SPIRE2: variants seen among roughly 807,000 people sequenced by gnomAD.
SPIRE2 encodes the protein protein spire homolog 2.
In SPIRE2, 76 loss-of-function variants were observed where a neutral mutation model predicts 80.7. That is an observed-to-expected ratio of 0.94 (90% CI 0.78 to 1.14). SPIRE2 has a LOEUF of 1.14. Among genes scored for constraint, SPIRE2 ranks in the 50% most tolerant of loss-of-function variants. The pLI is 0.00. For missense variants in SPIRE2, 1,196 were observed against 1,015.3 expected, an observed-to-expected ratio of 1.18 and a Z score of -2.42; for synonymous variants, 535 against 432.6, an observed-to-expected ratio of 1.24 and a Z score of -2.94.
Position 89,828,506 on chromosome 16 carries a change from G to A in SPIRE2, c.-45G>A, listed in dbSNP as rs901193487. The A allele has an allele frequency of 1.5e-5, 15 of 1,011,916 alleles. No homozygotes were observed. The African/African-American group carries it at 1.9e-4, about 13-fold the overall frequency. 62.7% of individuals were successfully genotyped at this position (1,011,916 alleles called of 1,614,324 possible). A position where few individuals can be genotyped will look rare whatever the true frequency, so the allele number is the denominator to read the frequency against. On this transcript the variant is annotated 5_prime_UTR_variant, in exon 1 of 15. Transcript: ENST00000378247. The surrounding 1 kb of genome is among the most constrained non-coding windows in gnomAD (Gnocchi z 5.9). The stretch of plus-strand genomic sequence containing the variant: ...ACCCTGCGCGGCGGAAGGCGCGGCT[G>A]CATGGACGCGGGTCCGGCGCGCGGG...
chr16:89,863,600 A>G lies in SPIRE2; in HGVS notation c.1700A>G (p.Lys567Arg). ...AACAAGGAGCTCTTCAGCAGTCTGA[A>G]GAAGGGGAAGGTGAGGCTGCCTAGA... is the stretch of plus-strand genomic sequence containing the variant. ...LQNKELFSSL[K>R]KGKICCCCRA... is the part of the protein sequence containing the mutation. Residue 567 changes from lysine (K) to arginine (R), a missense_variant, in exon 11 of 15, where the codon AAG becomes AGG. By Grantham distance (26) the Lys-to-Arg change is conservative. Coordinates refer to ENST00000378247, the MANE Select transcript of SPIRE2 (RefSeq NM_032451.2). This position sits in a 1 kb window ranked among gnomAD's most constrained non-coding sequence, Gnocchi z 4.3. 6.2e-7 allele frequency: 1 copy of G among 1,614,110 alleles called. No individual in the cohort carries two copies. The highest frequency in any genetic ancestry group is 1.7e-5 in the Admixed American group (1 of 60,018).
At chr16:89,834,881 C>T (rs1218135347) in intron 1 of SPIRE2, among the ~76,000 whole-genome samples, 3 of 146,852 alleles carry the variant, frequency 2.0e-5, no homozygotes, top group African/African-American at 7.6e-5. Flanking sequence ...CCTGCCCGCA[C>T]TCGCAGCTGG....
At chr16:89,868,106 C>T (rs890943450) in intron 12 of SPIRE2, 83 bp from the exon 13 acceptor site, 20 of 1,472,350 alleles carry the variant, frequency 1.4e-5, no homozygotes, top group Non-Finnish European at 1.7e-5. Flanking sequence ...ACCTCGGATG[C>T]GTGGAGGCCG....
chr16:89,857,985 C>G (rs2041707269), intron 7 of SPIRE2, among the ~76,000 whole-genome samples: 1 of 151,344 alleles, frequency 6.6e-6, no homozygotes. Flanking sequence ...TGGGTTCACG[C>G]CATTCTCCTG....
chr16:89,831,153 C>G (rs2041377029), intron 1 of SPIRE2, among the ~76,000 whole-genome samples: 1 of 150,426 alleles, frequency 6.6e-6, no homozygotes, highest in South Asian at 2.1e-4. Context: ...TCGTGATCTG[C>G]CCACCTCGGC....
intron 3 of SPIRE2, among the ~76,000 whole-genome samples, chr16:89,853,357 C>T (rs2041655330): frequency 6.6e-6 from 1 of 152,090 alleles, no homozygotes; most frequent in African/African-American, 2.4e-5. Flanking sequence ...TTGACTGAGG[C>T]GAAGTTTGGG....
Position 89,870,966 on chromosome 16 carries a change from A to T in SPIRE2, c.*694A>T, listed in dbSNP as rs2041834645. ...CCAGGTATAGTGGCAGGAACCTGTA[A>T]TCCCAGCTACAGGGGAGGCTGAGGC... On this transcript the variant is annotated 3_prime_UTR_variant, in exon 15 of 15. Coordinates refer to ENST00000378247, the MANE Select transcript of SPIRE2 (RefSeq NM_032451.2). 1 of 152,452 alleles carries T rather than the reference A, an allele frequency of 6.6e-6. No individual in the cohort carries two copies. The highest frequency in any genetic ancestry group is 2.4e-5 in the African/African-American group (1 of 41,404). 9.4% of individuals were successfully genotyped at this position (152,452 alleles called of 1,614,324 possible).
At chr16:89,838,785 G>C (rs1360118264) in intron 1 of SPIRE2, among the ~76,000 whole-genome samples, 1 of 152,174 alleles carries the variant, frequency 6.6e-6, no homozygotes, top group Non-Finnish European at 1.5e-5. Flanking sequence ...CAGCAGGCAG[G>C]TGGCTCTGTC....
At chr16:89,833,292 T>A (rs969957078) in intron 1 of SPIRE2, among the ~76,000 whole-genome samples, 8 of 147,560 alleles carry the variant, frequency 5.4e-5, no homozygotes, top group Non-Finnish European at 1.0e-4. Context: ...CCCGGCCATC[T>A]TTTTGTATTT....
At chr16:89,845,482 G>T (rs2041549929) in intron 2 of SPIRE2, 117 bp downstream of exon 2, 1 of 947,374 alleles carries the variant, frequency 1.1e-6, no homozygotes, top group South Asian at 1.3e-5. Context: ...GCAGGGTGCA[G>T]ATGAAGTACC....
intron 1 of SPIRE2, among the ~76,000 whole-genome samples, chr16:89,831,337 G>C (rs899464183): frequency 6.7e-5 from 10 of 150,110 alleles, no homozygotes; most frequent in African/African-American, 2.4e-4. Context: ...CTTTACACGT[G>C]ACCCTATTTT....
chr16:89,847,571 C>T (rs989159282), intron 2 of SPIRE2, among the ~76,000 whole-genome samples: 1 of 152,192 alleles, frequency 6.6e-6, no homozygotes, highest in African/African-American at 2.4e-5. Flanking sequence ...ATACGTTAAC[C>T]TGATCGCCCT....
chr16:89,845,173 C>G, intron 1 of SPIRE2, 149 bp from the exon 2 acceptor site: 1 of 729,730 alleles, frequency 1.4e-6, no homozygotes, highest in Non-Finnish European at 2.4e-6. Flanking sequence ...TCCAAATGAC[C>G]AAGTGGCTGG....
intron 12 of SPIRE2, among the ~76,000 whole-genome samples, chr16:89,864,839 A>G (rs1488135785): frequency 1.3e-5 from 2 of 152,198 alleles, no homozygotes; most frequent in East Asian, 3.9e-4. Flanking sequence ...CATCAACAAA[A>G]AAACAAACCA....
chr16:89,847,606 G>A (rs577864146), intron 2 of SPIRE2, among the ~76,000 whole-genome samples: 7 of 152,318 alleles, frequency 4.6e-5, no homozygotes, highest in African/African-American at 1.7e-4. Flanking sequence ...CGGCAAAGGA[G>A]TTCCTTAACG....
chr16:89,854,318 T>C lies in SPIRE2; in HGVS notation c.678T>C (p.His226=). 6.2e-7 allele frequency: 1 copy of C among 1,612,586 alleles called. No individual in the cohort carries two copies. The highest frequency in any genetic ancestry group is 8.5e-7 in the Non-Finnish European group (1 of 1,179,894). ...MLQKLREDEP[H]LETPRAELDS... Reference sequence around the variant, plus strand: ...AGAAGCTTCGGGAGGACGAGCCGCATCTGGAGACGCCTCGGGCAGAGCTGG... The same window carrying C: ...AGAAGCTTCGGGAGGACGAGCCGCACCTGGAGACGCCTCGGGCAGAGCTGG... The change falls in exon 4 of 15, where the codon CAT becomes CAC. Residue 226 remains histidine, a synonymous_variant. Coordinates refer to ENST00000378247, the MANE Select transcript of SPIRE2 (RefSeq NM_032451.2).
At chr16:89,853,852 A>C (rs2041660995) in intron 3 of SPIRE2, among the ~76,000 whole-genome samples, 1 of 152,210 alleles carries the variant, frequency 6.6e-6, no homozygotes, top group Admixed American at 6.5e-5. Context: ...TGGACTTGCC[A>C]GGCAGCAGCT....
In SPIRE2 at chr16:89,840,674, C is replaced by T. The variant is rs547246990; in HGVS notation, c.245-4648C>T. Among the ~76,000 whole-genome samples, 147 of 139,798 alleles carry T rather than the reference C, an allele frequency of 1.1e-3. 1 individual carries two copies. Among genetic ancestry groups the T allele is most frequent in the African/African-American group, 3.4e-3 (127 of 36,926 alleles). 91.7% of individuals were successfully genotyped at this position (139,798 alleles called of 152,430 possible). On this transcript the variant is annotated intron_variant, in intron 1 of 14. Transcript: ENST00000378247. The stretch of plus-strand genomic sequence containing the variant: ...TTTTTTTGAGATGGAGTCACTCTGT[C>T]GCCCAGGCTGGAGTGCAATGGCGCA...
Position 89,863,487 on chromosome 16 carries a change from C to A in SPIRE2, c.1587C>A (p.His529Gln). The A allele has an allele frequency of 6.2e-7, 1 of 1,614,046 alleles. No individual in the cohort carries two copies. The highest frequency in any genetic ancestry group is 8.5e-7 in the Non-Finnish European group (1 of 1,180,030). Residue 529 changes from histidine (H) to glutamine (Q), a missense_variant, in exon 11 of 15, where the codon CAC becomes CAA. Physicochemically the swap from His to Gln is conservative, Grantham distance 24. Transcript: ENST00000378247. This position sits in a 1 kb window ranked among gnomAD's most constrained non-coding sequence, Gnocchi z 4.3. ...DAKHLWLEFSHPVESLALTVE... is the reference protein window; with the variant it reads ...DAKHLWLEFSQPVESLALTVE... ...AGGCCGTCCCCTAGGAGTTCAGCCA[C>A]CCCGTGGAGAGCCTGGCGCTGACTG...
Sources: allele counts gnomAD v4.1 joint callset (sites outside exome capture counted in the v4.1 genomes callset), GRCh38; gene constraint gnomAD v4.1.1; non-coding constraint Gnocchi (gnomAD v3.1); transcripts MANE v1.5; gene names NCBI Gene and HGNC (gene_info 2026-07-23, HGNC 2026-07-21).